SPAM1: variants seen among roughly 807,000 people sequenced by gnomAD.
SPAM1 encodes the protein sperm adhesion molecule 1.
SPAM1 carries 22 observed loss-of-function variants against 29.6 expected under a neutral mutation model. That is an observed-to-expected ratio of 0.74 (90% CI 0.53 to 1.06). SPAM1 has a LOEUF of 1.06. Ranked by LOEUF, SPAM1 falls within the 50% of genes least tolerant of loss-of-function variation. The pLI, the probability that SPAM1 is intolerant of heterozygous loss-of-function variation, is 0.00. For synonymous variants in SPAM1, 194 were observed against 204.6 expected (o/e 0.95, Z 0.44); for missense variants, 534 against 604.0 (o/e 0.88, Z 1.21).
At chr7:123,957,521 A>C (rs779016977) in intron 4 of SPAM1, among the ~76,000 whole-genome samples, 1 of 152,032 alleles carries the variant, frequency 6.6e-6, no homozygotes, top group Non-Finnish European at 1.5e-5. Context: ...ACCATTCAAA[A>C]ATATTGGATT....
intron 2 of SPAM1, among the ~76,000 whole-genome samples, chr7:123,950,311 C>T (rs1808718233): frequency 6.6e-6 from 1 of 151,992 alleles, no homozygotes. Flanking sequence ...AAGTGTGTAA[C>T]ATGAATATAT....
In SPAM1 at chr7:123,954,977, C is replaced by G. The variant is rs745757979; in HGVS notation, c.955-20C>G. The stretch of plus-strand genomic sequence containing the variant: ...TTCATTTCATTTTTATCTGCTAACT[C>G]TTTCTGTCACATTTTCCAGGATGAA... On this transcript the variant is annotated intron_variant, in intron 3 of 4. Transcript: ENST00000682466. The G allele has an allele frequency of 3.0e-5, 48 of 1,576,870 alleles. No individual in the cohort carries two copies. Among genetic ancestry groups the G allele is most frequent in the Non-Finnish European group, 4.1e-5 (47 of 1,147,094 alleles).
At chr7:123,942,454 A>G (rs1412512493) in intron 1 of SPAM1, among the ~76,000 whole-genome samples, 1 of 152,226 alleles carries the variant, frequency 6.6e-6, no homozygotes, top group African/African-American at 2.4e-5. Context: ...TTCACTAAAG[A>G]CAAGTCAAAG....
downstream of SPAM1, among the ~76,000 whole-genome samples, chr7:123,962,234 T>C (rs979663326): frequency 6.6e-6 from 1 of 151,880 alleles, no homozygotes; most frequent in African/African-American, 2.4e-5. Context: ...AAGGATATCT[T>C]ATTGTGGTTT....
In SPAM1 at chr7:123,954,377, G is replaced by GT. The variant is rs1239815770; in HGVS notation, c.808dup (p.Ser270PhefsTer24). On this transcript the variant is annotated frameshift_variant, in exon 3 of 5. Transcript: ENST00000682466. LOFTEE classifies it high-confidence loss of function. ...CATCCATTTATTTGAACACTCAGCA[G>GT]TCTCCTGTAGCTGCTACACTCTATG... The GT allele has an allele frequency of 1.2e-6, 2 of 1,613,394 alleles. No individual in the cohort carries two copies. Among genetic ancestry groups the GT allele is most frequent in the Non-Finnish European group, 1.7e-6 (2 of 1,179,680 alleles).
chr7:123,962,491 T>G (rs1792371704), downstream of SPAM1, among the ~76,000 whole-genome samples: 1 of 151,964 alleles, frequency 6.6e-6, no homozygotes, highest in Admixed American at 6.6e-5. Flanking sequence ...GCTTTTCCTT[T>G]GCCATGCAGA....
Position 123,953,445 on chromosome 7 carries a change from C to T in SPAM1, c.-126C>T, listed in dbSNP as rs963910965. The T allele has an allele frequency of 1.1e-5, 6 of 555,036 alleles. No individual in the cohort carries two copies. The highest frequency in any genetic ancestry group is 2.9e-5 in the South Asian group (1 of 34,980). The allele number at this position is 555,036 out of a possible 1,614,324, so 34.4% of individuals were successfully genotyped here. On this transcript the variant is annotated 5_prime_UTR_variant, in exon 3 of 5. Transcript: ENST00000682466. ...ATTTAAATGTAACTTAATCATTATACCTCTTTATCCATCAAAGTGAATTCA... is the reference window on the plus strand; with the variant it reads ...ATTTAAATGTAACTTAATCATTATATCTCTTTATCCATCAAAGTGAATTCA...
intron 1 of SPAM1, among the ~76,000 whole-genome samples, chr7:123,929,746 G>T (rs1808008292): frequency 6.6e-6 from 1 of 152,052 alleles, no homozygotes; most frequent in South Asian, 2.1e-4. Flanking sequence ...GCCCTGCTGT[G>T]TATCCCTGGG....
chr7:123,956,466 T>A (rs959408635), intron 4 of SPAM1, among the ~76,000 whole-genome samples: 29 of 152,064 alleles, frequency 1.9e-4, no homozygotes, highest in African/African-American at 6.8e-4. Context: ...TTACTGGAAC[T>A]GACATAAAAC....
intron 1 of SPAM1, among the ~76,000 whole-genome samples, chr7:123,944,066 G>C (rs139538579): frequency 3.9e-5 from 6 of 152,066 alleles, no homozygotes; most frequent in Non-Finnish European, 7.4e-5. Flanking sequence ...TTGCTTCAGC[G>C]TGCCTTCAAC....
At chr7:123,934,474 A>C (rs185335512) in intron 1 of SPAM1, among the ~76,000 whole-genome samples, 76 of 152,294 alleles carry the variant, frequency 5.0e-4, no homozygotes, top group African/African-American at 1.8e-3. Context: ...TATTACCCAG[A>C]ACTCCCACTA....
At position 123,954,283 on chromosome 7, in the gene SPAM1, G is replaced by A; in HGVS notation, c.713G>A (p.Cys238Tyr). 6.2e-7 allele frequency: 1 copy of A among 1,612,542 alleles called. No individual in the cohort carries two copies. Reference protein sequence around the residue: ...HYKKPGYNGSCFNVEIKRNDD... With the variant: ...HYKKPGYNGSYFNVEIKRNDD... ...AAGAAACCCGGTTACAATGGAAGTT[G>A]CTTCAATGTAGAAATAAAAAGAAAT... is the stretch of plus-strand genomic sequence containing the variant. Residue 238 changes from cysteine to tyrosine, a missense_variant, in exon 3 of 5, where the codon TGC (cysteine) becomes TAC (tyrosine). Cys to Tyr is a radical substitution (Grantham distance 194, BLOSUM62 -2). Coordinates refer to ENST00000682466, the MANE Select transcript of SPAM1 (RefSeq NM_153189.3).
intron 1 of SPAM1, among the ~76,000 whole-genome samples, chr7:123,933,558 C>T (rs563132090): frequency 6.6e-6 from 1 of 152,096 alleles, no homozygotes; most frequent in Non-Finnish European, 1.5e-5. Context: ...TATTGGGGAA[C>T]TAATGGAAGA....
intron 1 of SPAM1, among the ~76,000 whole-genome samples, chr7:123,946,867 T>C (rs1372155897): frequency 6.6e-6 from 1 of 152,168 alleles, no homozygotes; most frequent in Non-Finnish European, 1.5e-5. Context: ...GTTCTGTCTG[T>C]CCTTTGTCCA....
In SPAM1 at chr7:123,959,481, C is replaced by A; in HGVS notation, c.1045-3C>A. On this transcript the variant is annotated splice_polypyrimidine_tract_variant and splice_region_variant and intron_variant, in intron 4 of 4. Coordinates refer to ENST00000682466, the MANE Select transcript of SPAM1 (RefSeq NM_153189.3). Reference sequence around the variant, plus strand: ...TTCTGACTGTCTTATAATAATTTTACAGAAATCTTGCTTGCTCCTAGACAA... The same window carrying A: ...TTCTGACTGTCTTATAATAATTTTAAAGAAATCTTGCTTGCTCCTAGACAA... 6.4e-7 allele frequency: 1 copy of A among 1,568,548 alleles called. No homozygotes were observed. Among genetic ancestry groups the A allele is most frequent in the South Asian group, 1.2e-5 (1 of 84,842 alleles).
chr7:123,957,531 T>A (rs890402109), intron 4 of SPAM1, among the ~76,000 whole-genome samples: 2 of 151,972 alleles, frequency 1.3e-5, no homozygotes, highest in Non-Finnish European at 2.9e-5. Context: ...AATATTGGAT[T>A]GTTACGAAGA....
At chr7:123,936,719 T>A (rs1056094316) in intron 1 of SPAM1, among the ~76,000 whole-genome samples, 74 of 152,216 alleles carry the variant, frequency 4.9e-4, no homozygotes, top group African/African-American at 1.7e-3. Context: ...TGTAATGCTC[T>A]TTCTAAATAG....
intron 1 of SPAM1, among the ~76,000 whole-genome samples, chr7:123,940,772 A>C (rs1337160473): frequency 6.6e-6 from 1 of 152,194 alleles, no homozygotes; most frequent in Non-Finnish European, 1.5e-5. Context: ...CTGGAATTAC[A>C]GCCATGAGCT....
intron 1 of SPAM1, among the ~76,000 whole-genome samples, chr7:123,933,159 C>T (rs1808139435): frequency 6.6e-6 from 1 of 151,270 alleles, no homozygotes; most frequent in Non-Finnish European, 1.5e-5. Flanking sequence ...ACCTATCAAC[C>T]TGTTATCTAG....
Sources: allele counts gnomAD v4.1 joint callset (sites outside exome capture counted in the v4.1 genomes callset), GRCh38; gene constraint gnomAD v4.1.1; transcripts MANE v1.5; gene names NCBI Gene and HGNC (gene_info 2026-07-23, HGNC 2026-07-21).